MYO16: variants seen among roughly 807,000 people sequenced by gnomAD.
The protein encoded by MYO16 is myosin XVI.
In MYO16, 94 loss-of-function variants were observed where a neutral mutation model predicts 205.3. The observed-to-expected ratio is 0.46, with a 90% CI of 0.39 to 0.54. MYO16 has a LOEUF of 0.54. Among genes scored for constraint, MYO16 ranks in the 20% least tolerant of loss-of-function variants. The pLI, the probability that MYO16 is intolerant of heterozygous loss-of-function variation, is 0.00. For synonymous variants in MYO16, 988 were observed against 954.0 expected (o/e 1.04, Z -0.66); for missense variants, 2,315 against 2,387.5 (o/e 0.97, Z 0.63).
intron 4 of MYO16, among the ~76,000 whole-genome samples, chr13:108,761,309 A>G (rs546197412): frequency 2.6e-4 from 40 of 152,270 alleles, no homozygotes; most frequent in African/African-American, 9.6e-4. Context: ...CCGTCCTAAG[A>G]GGGACCTAGA....
intron 12 of MYO16, among the ~76,000 whole-genome samples, chr13:108,868,631 A>G (rs1878844360): frequency 6.6e-6 from 1 of 152,116 alleles, no homozygotes; most frequent in Non-Finnish European, 1.5e-5. Context: ...TATTAAAAAG[A>G]CCATCTTTCA....
intron 1 of MYO16, among the ~76,000 whole-genome samples, chr13:108,612,522 A>ACATTTAT (rs59969884): frequency 0.24 from 36,295 of 151,850 alleles, 4,544 homozygotes; most frequent in East Asian, 0.39. Flanking sequence ...TTAACATTTA[A>ACATTTAT]CATGTGCCAA....
At position 108,750,427 on chromosome 13, in the gene MYO16, G is replaced by A. The variant is rs573812385; in HGVS notation, c.507+22844G>A. On this transcript the variant is annotated intron_variant, in intron 4 of 34. Coordinates refer to ENST00000457511, the MANE Select transcript of MYO16 (RefSeq NM_001198950.3). ...TAAGGCTAAAGCCAAACATCTTTACGTAGTATTCTACTTCAAACCACAAAG... is the reference window on the plus strand; with the variant it reads ...TAAGGCTAAAGCCAAACATCTTTACATAGTATTCTACTTCAAACCACAAAG... Among the ~76,000 whole-genome samples the A allele has an allele frequency of 4.6e-5, 7 of 152,190 alleles. No homozygotes were observed. The East Asian group carries it at 5.8e-4, about 13-fold the overall frequency.
At chr13:108,528,095 T>C in the MYO16 span, among the ~76,000 whole-genome samples, 17 of 152,306 alleles carry the variant, frequency 1.1e-4, no homozygotes, top group African/African-American at 4.1e-4. Context: ...AGTAAGATTA[T>C]GGAAAATAAG....
chr13:109,050,345 G>A (rs1023704790), intron 24 of MYO16, among the ~76,000 whole-genome samples: 2 of 151,846 alleles, frequency 1.3e-5, no homozygotes, highest in African/African-American at 4.8e-5. Flanking sequence ...TTAGAAGCAG[G>A]TTATGAATTT....
At chr13:108,726,280 G>C (rs564974616) in intron 3 of MYO16, among the ~76,000 whole-genome samples, 284 of 152,270 alleles carry the variant, frequency 1.9e-3, no homozygotes, top group African/African-American at 6.5e-3. Context: ...TACTCGTAAG[G>C]CTGGGTGTGG....
chr13:108,576,774 T>C, the MYO16 span, among the ~76,000 whole-genome samples: 1 of 152,212 alleles, frequency 6.6e-6, no homozygotes, highest in African/African-American at 2.4e-5. Context: ...TCTTTTCTTT[T>C]TTTTTGAGAC....
At chr13:109,151,924 C>T (rs1393938650) in intron 32 of MYO16, among the ~76,000 whole-genome samples, 2 of 152,058 alleles carry the variant, frequency 1.3e-5, no homozygotes, top group Admixed American at 6.6e-5. Context: ...AGCTCTCAGG[C>T]GAGATGACGT....
the MYO16 span, among the ~76,000 whole-genome samples, chr13:108,578,045 A>G: frequency 3.3e-5 from 5 of 152,184 alleles, no homozygotes; most frequent in African/African-American, 1.2e-4. Flanking sequence ...TTTTAAGAAG[A>G]TCTGGAAAAT....
At chr13:109,033,812 A>G (rs1289690478) in intron 23 of MYO16, among the ~76,000 whole-genome samples, 2 of 152,162 alleles carry the variant, frequency 1.3e-5, no homozygotes, top group Non-Finnish European at 2.9e-5. Flanking sequence ...TGTTTCTACA[A>G]GGCCACTACT....
intron 20 of MYO16, among the ~76,000 whole-genome samples, chr13:108,982,047 T>G (rs1884463442): frequency 6.6e-6 from 1 of 152,186 alleles, no homozygotes; most frequent in Non-Finnish European, 1.5e-5. Context: ...GATCCAGAAG[T>G]GCTTTGTAAA....
At position 109,132,035 on chromosome 13, in the gene MYO16, G is replaced by A. The variant is rs78049239; in HGVS notation, c.4051+4485G>A. 7.5e-3 allele frequency among the ~76,000 whole-genome samples: 1,136 copies of A among 152,286 alleles called. 7 individuals are homozygous for A. Among genetic ancestry groups the A allele is most frequent in the Non-Finnish European group, 0.012 (825 of 68,018 alleles). ...CCTCATTGCCCAGGACGTAGCAAGC[G>A]CACAGCAAAGTTACATGCATATAAC... On this transcript the variant is annotated intron_variant, in intron 31 of 34. Coordinates refer to ENST00000457511, the MANE Select transcript of MYO16 (RefSeq NM_001198950.3).
intron 1 of MYO16, among the ~76,000 whole-genome samples, chr13:108,612,084 C>T (rs1354997507): frequency 6.8e-6 from 1 of 147,086 alleles, no homozygotes; most frequent in Non-Finnish European, 1.5e-5. Context: ...TATATGCATG[C>T]ATGTGCATAT....
At chr13:108,907,379 A>G (rs1022728588) in intron 15 of MYO16, among the ~76,000 whole-genome samples, 21 of 152,246 alleles carry the variant, frequency 1.4e-4, no homozygotes, top group Admixed American at 7.2e-4. Context: ...TATTTCTGAC[A>G]TAAAAGAGCT....
chr13:108,994,309 T>A (rs1240476798), intron 21 of MYO16, among the ~76,000 whole-genome samples: 1 of 141,548 alleles, frequency 7.1e-6, no homozygotes, highest in African/African-American at 2.6e-5. Context: ...TTGAAAAAAA[T>A]TTGAAATACA....
At chr13:108,853,986 G>GTGTGTGTGTT (rs1175489292) in intron 10 of MYO16, among the ~76,000 whole-genome samples, 10 of 147,958 alleles carry the variant, frequency 6.8e-5, no homozygotes, top group Admixed American at 2.0e-4. Context: ...GTGTGTGTGT[G>GTGTGTGTGTT]TATTTTTGTT....
intron 3 of MYO16, among the ~76,000 whole-genome samples, chr13:108,714,921 C>T (rs2139556638): frequency 6.6e-6 from 1 of 152,292 alleles, no homozygotes; most frequent in South Asian, 2.1e-4. Flanking sequence ...ACCACCATCC[C>T]TCTTTTCTGG....
Position 108,806,664 on chromosome 13 carries a change from G to T in MYO16, c.742-15G>T. 1 of 1,609,888 alleles carries T rather than the reference G, an allele frequency of 6.2e-7. No homozygotes were observed. ...ACTTTAAAAAAATGAATAATAAGAT[G>T]TCTCTTCGCTGCAGTTACACATGGC... On this transcript the variant is annotated splice_polypyrimidine_tract_variant and intron_variant, in intron 6 of 34. Coordinates refer to ENST00000457511, the MANE Select transcript of MYO16 (RefSeq NM_001198950.3).
the MYO16 span, among the ~76,000 whole-genome samples, chr13:108,534,237 A>G: frequency 2.0e-5 from 3 of 152,328 alleles, no homozygotes; most frequent in African/African-American, 7.2e-5. Flanking sequence ...TATTTTAGTC[A>G]TCTTTTAGGA....
Sources: gnomAD v4.1 joint callset for allele counts (sites outside exome capture counted in the v4.1 genomes callset) on GRCh38, gnomAD v4.1.1 for gene constraint, MANE v1.5 for transcripts, NCBI Gene and HGNC (gene_info 2026-07-23, HGNC 2026-07-21) for gene names.